The following PLB1 variants were observed in gnomAD, a reference collection of about 807,000 sequenced individuals.
The protein encoded by PLB1 is phospholipase B1, membrane-associated.
PLB1 carries 242 observed loss-of-function variants against 227.4 expected under a neutral mutation model. That is an observed-to-expected ratio of 1.06 (90% CI 0.96 to 1.18). PLB1 has a LOEUF of 1.18. Ranked by LOEUF, PLB1 falls within the 50% of genes most tolerant of loss-of-function variation. The probability of loss-of-function intolerance (pLI) is 0.00; values close to 1 mark genes in which losing one functional copy is unlikely to be tolerated. For missense variants in PLB1, 1,858 were observed against 1,816.3 expected, an observed-to-expected ratio of 1.02 and a Z score of -0.42; for synonymous variants, 757 against 682.2, an observed-to-expected ratio of 1.11 and a Z score of -1.71.
Position 28,621,108 on chromosome 2 carries a change from A to G in PLB1, c.3527+130A>G, listed in dbSNP as rs143909581. The G allele has an allele frequency of 5.5e-4, 385 of 701,882 alleles. 3 individuals are homozygous for G. In the African/African-American group the frequency reaches 6.4e-3, roughly 12 times the overall value. The allele number at this position is 701,882 out of a possible 1,614,324, so 43.5% of individuals were successfully genotyped here. Reference sequence around the variant, plus strand: ...CAATAGCAGCTGTGCAGGACTTTCTATGTGAATTATCTCCTGAGATCCTCA... The same window carrying G: ...CAATAGCAGCTGTGCAGGACTTTCTGTGTGAATTATCTCCTGAGATCCTCA... On this transcript the variant is annotated intron_variant, in intron 49 of 57. Coordinates refer to ENST00000327757, the MANE Select transcript of PLB1 (RefSeq NM_153021.5).
rs536476788 is a variant in PLB1, at chr2:28,554,489, CTT to C, written c.1147+1526_1147+1527del. On this transcript the variant is annotated intron_variant, in intron 17 of 57. Coordinates refer to ENST00000327757, the MANE Select transcript of PLB1 (RefSeq NM_153021.5). ...CTACAGGCATTATCACCACACCTGC[CTT>C]TTTTTTTTTTTTTTTTTTTTTTTTT... is the stretch of plus-strand genomic sequence containing the variant. Among the ~76,000 whole-genome samples the C allele has an allele frequency of 1.3e-4, 11 of 85,472 alleles. No homozygotes were observed. The East Asian group carries it at 1.9e-3, about 14-fold the overall frequency. The allele number at this position is 85,472 out of a possible 152,430, so 56.1% of individuals were successfully genotyped here.
At chr2:28,502,676 G>A (rs1366427147) in intron 1 of PLB1, among the ~76,000 whole-genome samples, 1 of 152,132 alleles carries the variant, frequency 6.6e-6, no homozygotes, top group African/African-American at 2.4e-5. Context: ...GAATGAGAGT[G>A]AGTTATAAGT....
At chr2:28,576,467 C>A (rs780988370) in intron 21 of PLB1, among the ~76,000 whole-genome samples, 35 of 152,184 alleles carry the variant, frequency 2.3e-4, no homozygotes, top group African/African-American at 8.4e-4. Context: ...CAGTGGCTCA[C>A]GTCTGTAATC....
In PLB1 at chr2:28,605,868, A is replaced by G. The variant is rs1234970339; in HGVS notation, c.2977A>G (p.Thr993Ala). 6.2e-6 allele frequency: 10 copies of G among 1,613,456 alleles called. No homozygotes were observed. In the African/African-American group the frequency reaches 8.0e-5, roughly 13 times the overall value. Reference protein sequence around the residue: ...LPVLADGLPDTSFFAPDCIHP... With the variant: ...LPVLADGLPDASFFAPDCIHP... Reference sequence around the variant, plus strand: ...TCTCTTTCAGGATGGGCTCCCAGATACGTCCTTCTTTGCCCCAGACTGCAT... The same window carrying G: ...TCTCTTTCAGGATGGGCTCCCAGATGCGTCCTTCTTTGCCCCAGACTGCAT... The change falls in exon 42 of 58, where the codon ACG (threonine) becomes GCG (alanine). Residue 993 changes from threonine to alanine, a missense_variant. Physicochemically the swap from Thr to Ala is moderately conservative, Grantham distance 58 (BLOSUM62 0). Transcript: ENST00000327757.
intron 49 of PLB1, among the ~76,000 whole-genome samples, chr2:28,621,461 C>T (rs1464369041): frequency 6.6e-6 from 1 of 152,178 alleles, no homozygotes; most frequent in Non-Finnish European, 1.5e-5. Flanking sequence ...TCTGAAAAAG[C>T]TATATTCTGA....
At chr2:28,540,297 G>A in intron 11 of PLB1, 69 bp from the exon 12 acceptor site, 2 of 1,323,970 alleles carry the variant, frequency 1.5e-6, no homozygotes, top group Non-Finnish European at 2.2e-6. Context: ...TAAGAGGCGG[G>A]CTGGATGCAT....
intron 54 of PLB1, among the ~76,000 whole-genome samples, chr2:28,630,986 T>G (rs1019962525): frequency 1.8e-4 from 28 of 151,664 alleles, no homozygotes; most frequent in African/African-American, 6.3e-4. Context: ...TCCCCTCCCT[T>G]CATTAAAAAC....
intron 33 of PLB1, among the ~76,000 whole-genome samples, chr2:28,596,671 G>C (rs777742794): frequency 6.6e-6 from 1 of 152,230 alleles, no homozygotes; most frequent in Non-Finnish European, 1.5e-5. Context: ...TTCATGCAGA[G>C]CTGGAAAAGA....
intron 32 of PLB1, among the ~76,000 whole-genome samples, chr2:28,593,045 T>G (rs536253495): frequency 3.3e-5 from 5 of 152,196 alleles, no homozygotes; most frequent in South Asian, 2.1e-4. Flanking sequence ...TCTTTTTCCT[T>G]TGGATTATGC....
chr2:28,580,339 C>T (rs141765600), intron 23 of PLB1, among the ~76,000 whole-genome samples: 8 of 152,298 alleles, frequency 5.3e-5, no homozygotes, highest in African/African-American at 9.6e-5. Context: ...GCACTGCCAG[C>T]GGAGAGAGAG....
Position 28,566,787 on chromosome 2 carries a change from A to G in PLB1, c.1281-9A>G. The G allele has an allele frequency of 4.3e-6, 7 of 1,613,956 alleles. No individual in the cohort carries two copies. Among genetic ancestry groups the G allele is most frequent in the Non-Finnish European group, 5.9e-6 (7 of 1,179,952 alleles). ...ACCCTTCATTTTCTTTCTTGGACCC[A>G]CGTTACAGCGTCGGCGGAGATGAGA... On this transcript the variant is annotated splice_polypyrimidine_tract_variant and intron_variant, in intron 19 of 57. Coordinates refer to ENST00000327757, the MANE Select transcript of PLB1 (RefSeq NM_153021.5).
At chr2:28,617,628 G>A (rs1573465471) in intron 44 of PLB1, 99 bp from the exon 45 acceptor site, 15 of 1,133,984 alleles carry the variant, frequency 1.3e-5, no homozygotes, top group Middle Eastern at 3.9e-4. Context: ...CTCATTTCTA[G>A]CCTCCATCAA....
chr2:28,571,099 T>C (rs1256997481), intron 20 of PLB1, among the ~76,000 whole-genome samples: 1 of 152,170 alleles, frequency 6.6e-6, no homozygotes, highest in Non-Finnish European at 1.5e-5. Flanking sequence ...AGAAATCCAC[T>C]AAAAATTATT....
chr2:28,621,904 C>A (rs1040271214), intron 49 of PLB1, among the ~76,000 whole-genome samples: 6 of 152,180 alleles, frequency 3.9e-5, no homozygotes, highest in Admixed American at 2.0e-4. Context: ...GTACAGGCTT[C>A]ATTTTCCAGG....
At chr2:28,611,137 GCACCCCGGCTGCCTGTCTGCCACAAC>G (rs1301192095) in intron 43 of PLB1, among the ~76,000 whole-genome samples, 1 of 152,158 alleles carries the variant, frequency 6.6e-6, no homozygotes, top group African/African-American at 2.4e-5. Context: ...AAGCCCTGAG[GCACCCCGGCTGCCTGTCTGCCACAAC>G]CCTGGGCTGT....
At chr2:28,634,388 A>G (rs1689055263) in intron 56 of PLB1, among the ~76,000 whole-genome samples, 1 of 152,150 alleles carries the variant, frequency 6.6e-6, no homozygotes, top group Non-Finnish European at 1.5e-5. Context: ...CTTCCCAAAG[A>G]AAGGGTACCT....
intron 46 of PLB1, 65 bp from the exon 47 acceptor site, chr2:28,620,198 CAG>C: frequency 8.8e-7 from 1 of 1,137,980 alleles, no homozygotes; most frequent in Non-Finnish European, 1.2e-6. Flanking sequence ...ACCCCAGGGC[CAG>C]AGGAGGCTCT....
chr2:28,565,235 A>T (rs562456881), intron 18 of PLB1, 45 bp from the exon 19 acceptor site: 1 of 1,549,646 alleles, frequency 6.5e-7, no homozygotes, highest in African/African-American at 1.4e-5. Context: ...GAGGTGGGCC[A>T]CTGGGGAAAG....
At chr2:28,568,532 A>G (rs1677451931) in intron 20 of PLB1, among the ~76,000 whole-genome samples, 1 of 152,178 alleles carries the variant, frequency 6.6e-6, no homozygotes, top group African/African-American at 2.4e-5. Flanking sequence ...CGTGTTAGAA[A>G]ACTCATAAGA....
Sources: gnomAD v4.1 joint callset for allele counts (sites outside exome capture counted in the v4.1 genomes callset) on GRCh38, gnomAD v4.1.1 for gene constraint, MANE v1.5 for transcripts, NCBI Gene and HGNC (gene_info 2026-07-23, HGNC 2026-07-21) for gene names.